Variants in CACHD1 observed in about 807,000 individuals in gnomAD.
The protein encoded by CACHD1 is VWFA and cache domain-containing protein 1.
Under a neutral mutation model 138.7 loss-of-function variants are expected in CACHD1, and 71 were observed. The observed-to-expected ratio is 0.51, with a 90% CI of 0.42 to 0.62. The LOEUF is 0.62. CACHD1 is among the 20% of genes least tolerant of loss of function. The pLI is 0.00. For synonymous variants in CACHD1, 578 were observed against 591.5 expected (o/e 0.98, Z 0.33); for missense variants, 1,389 against 1,625.3 (o/e 0.85, Z 2.50).
intron 2 of CACHD1, among the ~76,000 whole-genome samples, chr1:64,557,602 T>A (rs1314740012): frequency 6.6e-6 from 1 of 152,006 alleles, no homozygotes; most frequent in African/African-American, 2.4e-5. Flanking sequence ...TTGGATCATA[T>A]CCATCACCAC....
At chr1:64,528,929 A>C (rs1036000489) in intron 1 of CACHD1, among the ~76,000 whole-genome samples, 1 of 152,066 alleles carries the variant, frequency 6.6e-6, no homozygotes, top group African/African-American at 2.4e-5. Context: ...AATTTGTTTT[A>C]CAGTGCTGAC....
chr1:64,508,412 G>A (rs1646393563), intron 1 of CACHD1, among the ~76,000 whole-genome samples: 2 of 152,204 alleles, frequency 1.3e-5, no homozygotes, highest in South Asian at 4.1e-4. Context: ...GAGAGCTTCT[G>A]GTGGAAGAAA....
At chr1:64,601,630 G>A (rs957239042) in intron 3 of CACHD1, among the ~76,000 whole-genome samples, 1 of 152,184 alleles carries the variant, frequency 6.6e-6, no homozygotes, top group African/African-American at 2.4e-5. Context: ...TAGTCCCCTT[G>A]CTTGTACAAT....
At chr1:64,608,321 T>TC (rs1352549734) in intron 4 of CACHD1, among the ~76,000 whole-genome samples, 1 of 152,090 alleles carries the variant, frequency 6.6e-6, no homozygotes, top group Non-Finnish European at 1.5e-5. Context: ...ACCTCAGAGT[T>TC]CCCCCTTTTC....
At chr1:64,477,543 G>T (rs1185491324) in intron 1 of CACHD1, among the ~76,000 whole-genome samples, 2 of 150,684 alleles carry the variant, frequency 1.3e-5, no homozygotes, top group African/African-American at 4.9e-5. Flanking sequence ...TGGTCAGGCT[G>T]GTTTCATCTC....
At chr1:64,519,688 A>G (rs1304311206) in intron 1 of CACHD1, among the ~76,000 whole-genome samples, 4 of 152,254 alleles carry the variant, frequency 2.6e-5, no homozygotes, top group African/African-American at 9.6e-5. Flanking sequence ...GCTCAAGCCA[A>G]AAAACTTGAT....
intron 3 of CACHD1, among the ~76,000 whole-genome samples, chr1:64,602,203 T>C (rs1187516757): frequency 6.6e-6 from 1 of 152,240 alleles, no homozygotes; most frequent in Non-Finnish European, 1.5e-5. Context: ...TGTCATGTAC[T>C]ATAAGAGGAA....
intron 1 of CACHD1, among the ~76,000 whole-genome samples, chr1:64,477,607 TTA>T (rs1315099794): frequency 1.4e-5 from 2 of 144,996 alleles, no homozygotes; most frequent in African/African-American, 5.2e-5. Flanking sequence ...ATTATTATTA[TTA>T]TTATTATTAT....
intron 14 of CACHD1, 116 bp from the exon 15 acceptor site, chr1:64,664,382 A>T: frequency 2.0e-6 from 2 of 996,030 alleles, no homozygotes; most frequent in African/African-American, 1.6e-5. Flanking sequence ...AAAGATTTTT[A>T]AAAAGTAATT....
chr1:64,540,382 T>C (rs1490233818), intron 1 of CACHD1, among the ~76,000 whole-genome samples: 1 of 151,936 alleles, frequency 6.6e-6, no homozygotes, highest in Non-Finnish European at 1.5e-5. Context: ...TGGCACCATC[T>C]GCAAAGAGTT....
chr1:64,531,620 A>C (rs1325061519), intron 1 of CACHD1, among the ~76,000 whole-genome samples: 2 of 152,184 alleles, frequency 1.3e-5, no homozygotes, highest in Non-Finnish European at 2.9e-5. Flanking sequence ...AACAAGGTCA[A>C]CAAGACCATA....
chr1:64,675,594 C>T, intron 20 of CACHD1, 33 bp downstream of exon 20: 3 of 1,574,542 alleles, frequency 1.9e-6, no homozygotes, highest in Non-Finnish European at 2.6e-6. Flanking sequence ...TCTGTGTTCA[C>T]CACACTGTTT....
At chr1:64,595,944 G>A (rs1334200209) in intron 3 of CACHD1, among the ~76,000 whole-genome samples, 2 of 152,162 alleles carry the variant, frequency 1.3e-5, no homozygotes, top group Non-Finnish European at 2.9e-5. Flanking sequence ...GCTGAACCCT[G>A]AAGGTTTAAT....
chr1:64,634,165 T>C lies in CACHD1; in HGVS notation c.911T>C (p.Val304Ala), dbSNP rs756029885. 3.1e-6 allele frequency: 5 copies of C among 1,613,890 alleles called. No homozygotes were observed. Among genetic ancestry groups the C allele is most frequent in the South Asian group, 1.1e-5 (1 of 91,076 alleles). The change falls in exon 7 of 27, where the codon GTG becomes GCG. Residue 304 changes from valine (V) to alanine (A), a missense_variant. Val to Ala is a moderately conservative substitution (Grantham distance 64). Around this residue, in one of 5 missense-constraint regions of CACHD1, gnomAD observed 1,000 missense variants for 1,114.7 expected, o/e 0.90. Coordinates refer to ENST00000651257, the MANE Select transcript of CACHD1 (RefSeq NM_020925.4). The part of the protein sequence containing the change: ...KRKMSTFVSS[V>A]KSSDSPTQHA... ...AAAATGTCCACCTTTGTTAGCAGCGTGAAGTCTTCAGACAGTCCTACCCAG... is the reference window on the plus strand; with the variant it reads ...AAAATGTCCACCTTTGTTAGCAGCGCGAAGTCTTCAGACAGTCCTACCCAG...
intron 4 of CACHD1, among the ~76,000 whole-genome samples, chr1:64,611,509 A>T (rs977228732): frequency 2.6e-5 from 4 of 152,254 alleles, no homozygotes; most frequent in Non-Finnish European, 5.9e-5. Context: ...TCCTTGCCAG[A>T]TACCCTAAAT....
intron 5 of CACHD1, 32 bp downstream of exon 5, chr1:64,629,513 T>G: frequency 6.2e-7 from 1 of 1,609,450 alleles, no homozygotes; most frequent in African/African-American, 1.3e-5. Flanking sequence ...AGTTTTTAAT[T>G]ATTGCTTAAG....
At chr1:64,491,576 T>C (rs1646275200) in intron 1 of CACHD1, among the ~76,000 whole-genome samples, 1 of 152,154 alleles carries the variant, frequency 6.6e-6, no homozygotes, top group Admixed American at 6.5e-5. Context: ...ACCCCCATGA[T>C]TCAGTCACCT....
rs760917687 is a variant in CACHD1 at position 64,671,712 on chromosome 1, C to A, written c.2510+26C>A. The A allele has an allele frequency of 5.7e-5, 92 of 1,613,534 alleles. No individual in the cohort carries two copies. The East Asian group carries it at 1.7e-3, about 30-fold the overall frequency. The stretch of plus-strand genomic sequence containing the variant: ...GTAAGTGCTTTGGGGATGCTATTTC[C>A]TTTCTAGCTGCAGTTTAAAAATAGA... On this transcript the variant is annotated intron_variant, in intron 17 of 26. Coordinates refer to ENST00000651257, the MANE Select transcript of CACHD1 (RefSeq NM_020925.4).
At chr1:64,610,681 A>G (rs1570414950) in intron 4 of CACHD1, among the ~76,000 whole-genome samples, 1 of 152,166 alleles carries the variant, frequency 6.6e-6, no homozygotes, top group Non-Finnish European at 1.5e-5. Flanking sequence ...CCTGGCTCCT[A>G]TCACGGGCTA....
Sources: allele counts gnomAD v4.1 joint callset (sites outside exome capture counted in the v4.1 genomes callset), GRCh38; gene constraint gnomAD v4.1.1; regional missense constraint gnomAD v4.1.1; transcripts MANE v1.5; gene names NCBI Gene and HGNC (gene_info 2026-07-23, HGNC 2026-07-21).